Variants in DLG1 observed in about 807,000 individuals in gnomAD.
DLG1 encodes the protein disks large homolog 1.
A neutral mutation model predicts 123.4 loss-of-function variants in DLG1; 42 were observed. The ratio of observed to expected loss-of-function variants is 0.34; its 90% CI spans 0.27 to 0.44. The LOEUF (loss-of-function observed/expected upper bound fraction) is 0.44, where lower values mean the gene tolerates loss of function less well. Ranked by LOEUF, DLG1 falls within the 20% of genes least tolerant of loss-of-function variation. DLG1 has a pLI of 1.00. For synonymous variants in DLG1, 317 were observed against 356.2 expected (o/e 0.89, Z 1.24); for missense variants, 942 against 1,082.6 (o/e 0.87, Z 1.82).
chr3:197,219,922 T>C (rs1421510745), intron 4 of DLG1, among the ~76,000 whole-genome samples: 1 of 152,186 alleles, frequency 6.6e-6, no homozygotes, highest in Non-Finnish European at 1.5e-5. Context: ...ATTTGCTGTC[T>C]AAGCCAACCA....
At chr3:197,092,500 T>C (rs1256056630) in intron 14 of DLG1, among the ~76,000 whole-genome samples, 1 of 152,112 alleles carries the variant, frequency 6.6e-6, no homozygotes, top group Non-Finnish European at 1.5e-5. Context: ...TGAATTATTG[T>C]TTTCTTTTTT....
chr3:197,251,166 C>G (rs995984905), intron 4 of DLG1, among the ~76,000 whole-genome samples: 3 of 151,346 alleles, frequency 2.0e-5, no homozygotes, highest in African/African-American at 7.3e-5. Flanking sequence ...GGGTGGACTG[C>G]TTGACTACAG....
intron 4 of DLG1, 133 bp from the exon 5 acceptor site, chr3:197,194,722 C>T (rs1721486039): frequency 2.0e-6 from 1 of 498,926 alleles, no homozygotes; most frequent in African/African-American, 2.0e-5. Context: ...TACATCAGAT[C>T]TCAGAGAAAT....
rs1281759776 is a variant in DLG1, at chr3:197,225,075, G to GC, written c.319-30487dup. On this transcript the variant is annotated intron_variant, in intron 4 of 24. Transcript: ENST00000667157. ...GGGTTCACGCCATTCTCCTGCCTCA[G>GC]CCCCCCAAGTAGCTGGGACTACAGG... Among the ~76,000 whole-genome samples, 11 of 152,244 alleles carry GC rather than the reference G, an allele frequency of 7.2e-5. No individual in the cohort carries two copies. In the South Asian group the frequency reaches 1.0e-3, roughly 14 times the overall value.
chr3:197,183,318 T>C (rs1713623732), intron 5 of DLG1, among the ~76,000 whole-genome samples: 1 of 152,196 alleles, frequency 6.6e-6, no homozygotes, highest in Non-Finnish European at 1.5e-5. Flanking sequence ...TATGTATCAA[T>C]GGGCTTATAT....
chr3:197,260,473 C>G (rs1027820009), intron 4 of DLG1: 1 of 202,158 alleles, frequency 4.9e-6, no homozygotes, highest in South Asian at 6.8e-5. Context: ...ATCTAAAATA[C>G]AAGAAACCAG....
At chr3:197,115,009 A>G (rs1478213157) in intron 13 of DLG1, among the ~76,000 whole-genome samples, 1 of 129,966 alleles carries the variant, frequency 7.7e-6, no homozygotes, top group Non-Finnish European at 1.7e-5. Flanking sequence ...AAAAAAAAAA[A>G]AGGGAAATTT....
Position 197,068,529 on chromosome 3 carries a change from T to C in DLG1, c.2047+690A>G, listed in dbSNP as rs751762610. On this transcript the variant is annotated intron_variant, in intron 19 of 24. Transcript: ENST00000667157. Reference sequence around the variant, plus strand: ...TTTGAGCAGCCATACTCATCTGTAATCAAGATTACTTTCATATTAGACAGC... The same window carrying C: ...TTTGAGCAGCCATACTCATCTGTAACCAAGATTACTTTCATATTAGACAGC... 1.9e-6 allele frequency: 3 copies of C among 1,580,908 alleles called. No individual in the cohort carries two copies. In the South Asian group the frequency reaches 3.4e-5, roughly 18 times the overall value.
At chr3:197,288,144 T>C (rs925021622) in intron 3 of DLG1, among the ~76,000 whole-genome samples, 8 of 151,894 alleles carry the variant, frequency 5.3e-5, no homozygotes, top group African/African-American at 1.9e-4. Context: ...AGCAGGCAGA[T>C]CAGGAGGTCA....
At chr3:197,251,588 A>G (rs1334821692) in intron 4 of DLG1, among the ~76,000 whole-genome samples, 2 of 152,198 alleles carry the variant, frequency 1.3e-5, no homozygotes, top group African/African-American at 4.8e-5. Flanking sequence ...ATCCATATGC[A>G]TAAGAATGAA....
At chr3:197,077,796 G>A (rs972170406) in intron 17 of DLG1, among the ~76,000 whole-genome samples, 1 of 152,058 alleles carries the variant, frequency 6.6e-6, no homozygotes, top group Admixed American at 6.6e-5. Flanking sequence ...CTCTGTCATA[G>A]GCATTCATGT....
intron 4 of DLG1, among the ~76,000 whole-genome samples, chr3:197,278,237 C>T (rs1360365815): frequency 8.0e-6 from 1 of 124,590 alleles, no homozygotes; most frequent in Non-Finnish European, 1.6e-5. Context: ...GAGACGAGAT[C>T]GTACCATTGC....
rs779586522 is a variant in DLG1 at position 197,076,856 on chromosome 3, A to T, written c.1906-171T>A. 3.3e-5 allele frequency among the ~76,000 whole-genome samples: 5 copies of T among 152,220 alleles called. No homozygotes were observed. The East Asian group carries it at 7.7e-4, about 23-fold the overall frequency. The stretch of plus-strand genomic sequence containing the variant: ...AATTTCTACTTTTGTATAAATTCTA[A>T]CATTTTGCAACTGAAAATACTTAAG... On this transcript the variant is annotated intron_variant, in intron 17 of 24. Coordinates refer to ENST00000667157, the MANE Select transcript of DLG1 (RefSeq NM_001366207.1).
intron 24 of DLG1, among the ~76,000 whole-genome samples, chr3:197,046,177 A>C (rs570718398): frequency 6.6e-6 from 1 of 152,356 alleles, no homozygotes; most frequent in South Asian, 2.1e-4. Context: ...ACAGGACAGA[A>C]TCCCAGAGCA....
At chr3:197,214,850 A>C (rs992635732) in intron 4 of DLG1, among the ~76,000 whole-genome samples, 5 of 152,240 alleles carry the variant, frequency 3.3e-5, no homozygotes, top group Admixed American at 3.3e-4. Context: ...ATAAACAATG[A>C]AAAGATGTTC....
chr3:197,214,429 C>A (rs564310100), intron 4 of DLG1, among the ~76,000 whole-genome samples: 2 of 151,840 alleles, frequency 1.3e-5, no homozygotes, highest in African/African-American at 2.4e-5. Context: ...AAAAAGTAGC[C>A]GGGCGTGGTG....
At chr3:197,060,316 A>C (rs1734908351) in intron 22 of DLG1, among the ~76,000 whole-genome samples, 1 of 152,216 alleles carries the variant, frequency 6.6e-6, no homozygotes, top group Non-Finnish European at 1.5e-5. Context: ...TTAAAATTTA[A>C]GGGACGGGGT....
intron 10 of DLG1, 112 bp from the exon 11 acceptor site, chr3:197,130,783 G>C: frequency 1.1e-5 from 9 of 824,406 alleles, no homozygotes; most frequent in Non-Finnish European, 1.6e-5. Context: ...GAAAATAAAG[G>C]TATGCCGAAA....
At chr3:197,280,576 A>G (rs1372430996) in intron 4 of DLG1, among the ~76,000 whole-genome samples, 1 of 152,188 alleles carries the variant, frequency 6.6e-6, no homozygotes, top group African/African-American at 2.4e-5. Flanking sequence ...TGTTTTCCAT[A>G]ATGGCTGTAA....
Sources: allele counts gnomAD v4.1 joint callset (sites outside exome capture counted in the v4.1 genomes callset), GRCh38; gene constraint gnomAD v4.1.1; transcripts MANE v1.5; gene names NCBI Gene and HGNC (gene_info 2026-07-23, HGNC 2026-07-21).